Variants in GDAP2 observed in about 807,000 individuals in gnomAD.
GDAP2 encodes ganglioside-induced differentiation-associated protein 2.
Under a neutral mutation model 67.0 loss-of-function variants are expected in GDAP2, and 51 were observed. The ratio of observed to expected loss-of-function variants is 0.76; its 90% CI spans 0.61 to 0.96. GDAP2 has a LOEUF of 0.96. Ranked by LOEUF, GDAP2 falls within the 40% of genes least tolerant of loss-of-function variation. The pLI, the probability that GDAP2 is intolerant of heterozygous loss-of-function variation, is 0.00. For synonymous variants in GDAP2, 203 were observed against 207.3 expected (o/e 0.98, Z 0.18); for missense variants, 547 against 588.3 (o/e 0.93, Z 0.73).
At chr1:117,881,525 C>T (rs1477722529) in intron 12 of GDAP2, among the ~76,000 whole-genome samples, 1 of 152,016 alleles carries the variant, frequency 6.6e-6, no homozygotes, top group Non-Finnish European at 1.5e-5. Flanking sequence ...CAGGAGGTAG[C>T]CATGGGCAGA....
intron 3 of GDAP2, among the ~76,000 whole-genome samples, chr1:117,915,348 CAG>C (rs368864995): frequency 3.7e-3 from 559 of 152,268 alleles, no homozygotes; most frequent in Non-Finnish European, 6.1e-3. Context: ...GTGTCATAGA[CAG>C]GGGACTGTGC....
intron 8 of GDAP2, among the ~76,000 whole-genome samples, chr1:117,889,652 T>C (rs548138967): frequency 8.5e-5 from 13 of 152,238 alleles, no homozygotes; most frequent in Middle Eastern, 6.8e-3. Flanking sequence ...CTATTAATAA[T>C]AGCAACAATA....
intron 5 of GDAP2, among the ~76,000 whole-genome samples, chr1:117,908,839 AT>A (rs1236448112): frequency 4.6e-5 from 7 of 151,972 alleles, no homozygotes; most frequent in African/African-American, 1.7e-4. Flanking sequence ...AAATAAATAA[AT>A]AAATAAATAA....
rs929361147 is a variant in GDAP2 at position 117,868,427 on chromosome 1, C to G, written c.*2142G>C. The G allele has an allele frequency of 6.6e-6, 1 of 152,132 alleles. No homozygotes were observed. The highest frequency in any genetic ancestry group is 1.5e-5 in the Non-Finnish European group (1 of 68,020). The allele number at this position is 152,132 out of a possible 1,614,324, so 9.4% of individuals were successfully genotyped here. On this transcript the variant is annotated 3_prime_UTR_variant, in exon 14 of 14. Coordinates refer to ENST00000369443, the MANE Select transcript of GDAP2 (RefSeq NM_017686.4). ...ACTAAAATCTCAGCATATGTAGAAT[C>G]CTGCTTGTGTTACTAAACATTAATA... is the stretch of plus-strand genomic sequence containing the variant.
chr1:117,888,816 A>C (rs963558801), intron 8 of GDAP2, among the ~76,000 whole-genome samples: 2 of 152,134 alleles, frequency 1.3e-5, no homozygotes, highest in African/African-American at 4.8e-5. Flanking sequence ...CAGTTTCCTC[A>C]CCTGCAAAAT....
Position 117,890,288 on chromosome 1 carries a change from T to A in GDAP2, c.954-2514A>T, listed in dbSNP as rs1408524194. Among the ~76,000 whole-genome samples, 5 of 152,124 alleles carry A rather than the reference T, an allele frequency of 3.3e-5. No homozygotes were observed. In the East Asian group the frequency reaches 9.6e-4, roughly 29 times the overall value. On this transcript the variant is annotated intron_variant, in intron 8 of 13. Coordinates refer to ENST00000369443, the MANE Select transcript of GDAP2 (RefSeq NM_017686.4). ...CCCCAAAGACTTCTACCATGTTCAG[T>A]GCAAGATTTTACACACTTATTGAAA...
At chr1:117,902,729 T>G (rs1649522522) in intron 6 of GDAP2, among the ~76,000 whole-genome samples, 2 of 152,130 alleles carry the variant, frequency 1.3e-5, no homozygotes, top group Admixed American at 6.6e-5. Flanking sequence ...TCCAAAATGG[T>G]TTTGATTATT....
chr1:117,908,828 A>AAAATAAATAAAT (rs33997305), intron 5 of GDAP2, among the ~76,000 whole-genome samples: 11 of 148,070 alleles, frequency 7.4e-5, no homozygotes, highest in African/African-American at 1.8e-4. Flanking sequence ...CTATCTCAAA[A>AAAATAAATAAAT]AAATAAATAA....
At chr1:117,892,884 C>T (rs1347736552) in intron 8 of GDAP2, among the ~76,000 whole-genome samples, 4 of 152,108 alleles carry the variant, frequency 2.6e-5, no homozygotes, top group Non-Finnish European at 5.9e-5. Context: ...GATGCTTTCC[C>T]AGACCTTATA....
At chr1:117,896,341 A>G (rs1345757730) in intron 8 of GDAP2, among the ~76,000 whole-genome samples, 1 of 152,230 alleles carries the variant, frequency 6.6e-6, no homozygotes, top group Non-Finnish European at 1.5e-5. Flanking sequence ...TGTTTTTAAA[A>G]GGATTCCTTC....
intron 2 of GDAP2, among the ~76,000 whole-genome samples, chr1:117,919,910 A>G (rs1269207279): frequency 6.6e-6 from 1 of 152,094 alleles, no homozygotes; most frequent in Non-Finnish European, 1.5e-5. Context: ...GGAAGGAGGA[A>G]TTACAAAGGA....
At chr1:117,924,950 C>T (rs1650391490) in intron 1 of GDAP2, among the ~76,000 whole-genome samples, 1 of 151,986 alleles carries the variant, frequency 6.6e-6, no homozygotes, top group African/African-American at 2.4e-5. Flanking sequence ...GACAAAAGTT[C>T]ATAATTTCAA....
intron 10 of GDAP2, among the ~76,000 whole-genome samples, chr1:117,884,824 G>GTGTGTGTGTA (rs1648791797): frequency 3.3e-5 from 5 of 151,814 alleles, no homozygotes; most frequent in African/African-American, 1.2e-4. Context: ...GTGTGTGTGT[G>GTGTGTGTGTA]TGTGTGTGTG....
At chr1:117,872,805 C>A (rs890389851) in intron 13 of GDAP2, among the ~76,000 whole-genome samples, 3 of 152,052 alleles carry the variant, frequency 2.0e-5, no homozygotes, top group South Asian at 2.1e-4. Flanking sequence ...GTGTAACAAA[C>A]CTGCACATCC....
rs1370931585 is a variant in GDAP2, at chr1:117,887,871, T to A, written c.954-97A>T. The A allele has an allele frequency of 1.4e-5, 10 of 701,288 alleles. No individual in the cohort carries two copies. In the East Asian group the frequency reaches 2.6e-4, roughly 18 times the overall value. 43.4% of individuals were successfully genotyped at this position (701,288 alleles called of 1,614,324 possible). On this transcript the variant is annotated intron_variant, in intron 8 of 13. Transcript: ENST00000369443. ...AATACCCTTCCCTGACCCTAAAAAT[T>A]TTCAAGTATATATTTCATTATAATA...
At chr1:117,918,767 G>C (rs1650138966) in intron 2 of GDAP2, 31 bp from the exon 3 acceptor site, 3 of 1,548,424 alleles carry the variant, frequency 1.9e-6, no homozygotes, top group African/African-American at 2.8e-5. Context: ...GAACAAGTGT[G>C]GGGAAAAAGA....
chr1:117,928,412 T>G (rs934149049), intron 1 of GDAP2, among the ~76,000 whole-genome samples: 4 of 152,172 alleles, frequency 2.6e-5, no homozygotes, highest in Admixed American at 6.5e-5. Context: ...AAGCACACAC[T>G]TCTCCCCATA....
chr1:117,877,622 T>G, intron 13 of GDAP2: 1 of 994,236 alleles, frequency 1.0e-6, no homozygotes, highest in Non-Finnish European at 1.2e-6. Context: ...ATAGGCCACA[T>G]GATTTGCAAT....
At position 117,919,784 on chromosome 1, in the gene GDAP2, G is replaced by A. The variant is rs962876422; in HGVS notation, c.176+398C>T. On this transcript the variant is annotated intron_variant, in intron 2 of 13. Transcript: ENST00000369443. Reference sequence around the variant, plus strand: ...ATGAACTTAAATCCATCATTCTGCTGAAAACAGACCAAAAAGCACACAATT... The same window carrying A: ...ATGAACTTAAATCCATCATTCTGCTAAAAACAGACCAAAAAGCACACAATT... 2.3e-4 allele frequency among the ~76,000 whole-genome samples: 35 copies of A among 151,068 alleles called. 1 individual carries two copies. The highest frequency in any genetic ancestry group is 8.0e-4 in the African/African-American group (33 of 41,260).
Sources: allele counts gnomAD v4.1 joint callset (sites outside exome capture counted in the v4.1 genomes callset), GRCh38; gene constraint gnomAD v4.1.1; transcripts MANE v1.5; gene names NCBI Gene and HGNC (gene_info 2026-07-23, HGNC 2026-07-21).